Variants in ZNF451 observed in about 807,000 individuals in gnomAD.
The protein encoded by ZNF451 is E3 SUMO-protein ligase ZNF451.
A neutral mutation model predicts 107.1 loss-of-function variants in ZNF451; 80 were observed. The ratio of observed to expected loss-of-function variants is 0.75; its 90% CI spans 0.62 to 0.90. The LOEUF is 0.90. Among genes scored for constraint, ZNF451 ranks in the 40% least tolerant of loss-of-function variants. The pLI is 0.00. For missense variants in ZNF451, 1,107 were observed against 1,236.2 expected, an observed-to-expected ratio of 0.90 and a Z score of 1.57; for synonymous variants, 362 against 406.5, an observed-to-expected ratio of 0.89 and a Z score of 1.32.
chr6:57,099,038 T>C (rs1172082259), intron 2 of ZNF451, 23 bp from the exon 3 acceptor site: 11 of 1,601,822 alleles, frequency 6.9e-6, no homozygotes, highest in Non-Finnish European at 8.6e-7. Flanking sequence ...TAATGACTTC[T>C]AAATTTGCTT....
chr6:57,104,807 G>T (rs1293713409), intron 3 of ZNF451: 1 of 985,284 alleles, frequency 1.0e-6, no homozygotes, highest in African/African-American at 1.7e-5. Context: ...TACTCTAACT[G>T]ATATGCCCAA....
chr6:57,107,288 T>A (rs1829906730), intron 3 of ZNF451: 2 of 985,232 alleles, frequency 2.0e-6, no homozygotes, highest in Non-Finnish European at 2.4e-6. Flanking sequence ...ATATTTTTAT[T>A]CTATCAGTGT....
chr6:57,102,401 G>A, intron 3 of ZNF451: 3 of 1,048,932 alleles, frequency 2.9e-6, no homozygotes, highest in Non-Finnish European at 3.4e-6. Context: ...ATCCTCTTGT[G>A]ATTAAAGAAA....
At chr6:57,118,531 T>C (rs1309768744) in intron 3 of ZNF451, among the ~76,000 whole-genome samples, 1 of 152,174 alleles carries the variant, frequency 6.6e-6, no homozygotes, top group Non-Finnish European at 1.5e-5. Context: ...TCTTGCTTTG[T>C]TGTCCCCCAG....
At chr6:57,123,729 G>A (rs1013722594) in intron 3 of ZNF451, among the ~76,000 whole-genome samples, 3 of 152,008 alleles carry the variant, frequency 2.0e-5, no homozygotes, top group African/African-American at 7.2e-5. Context: ...TCTTCATAAA[G>A]ATGTACACAT....
In ZNF451 at chr6:57,154,049, T is replaced by G; in HGVS notation, c.3070+2T>G. 6.2e-7 allele frequency: 1 copy of G among 1,614,080 alleles called. No homozygotes were observed. Among genetic ancestry groups the G allele is most frequent in the East Asian group, 2.2e-5 (1 of 44,886 alleles). ...ATAGCATATCTGATACCACCAAAGG[T>G]ACGCAGCTGCAGTCACAGTGCAAAC... On this transcript the variant is annotated splice_donor_variant, in intron 13 of 14. Coordinates refer to ENST00000370706, the MANE Select transcript of ZNF451 (RefSeq NM_001031623.3). LOFTEE classifies it high-confidence loss of function.
intron 13 of ZNF451, chr6:57,154,256 G>T: frequency 5.0e-6 from 3 of 602,992 alleles, no homozygotes; most frequent in South Asian, 2.2e-5. Context: ...ATAATTTTCT[G>T]GAGCTTTTTT....
At chr6:57,159,526 T>TTG in intron 13 of ZNF451, 2 of 107,460 alleles carry the variant, frequency 1.9e-5, no homozygotes, top group Non-Finnish European at 2.9e-5. Context: ...ATTATAAGAG[T>TTG]TTTTTTTTTT....
chr6:57,158,920 C>T (rs1763549345), intron 13 of ZNF451: 1 of 985,328 alleles, frequency 1.0e-6, no homozygotes, highest in South Asian at 4.7e-5. Context: ...TTAAATCCAT[C>T]TTACATATAG....
chr6:57,096,475 C>G (rs1313115066), intron 2 of ZNF451, among the ~76,000 whole-genome samples: 1 of 151,754 alleles, frequency 6.6e-6, no homozygotes, highest in South Asian at 2.1e-4. Context: ...CATGAGCCAC[C>G]GTGCCCAGCC....
intron 3 of ZNF451, chr6:57,108,745 G>C: frequency 1.0e-6 from 1 of 985,320 alleles, no homozygotes; most frequent in Non-Finnish European, 1.2e-6. Context: ...TTCCTGCCTG[G>C]GAAGGCAGTA....
At chr6:57,099,244 C>T (rs1829470208) in intron 3 of ZNF451, 103 bp downstream of exon 3, 2 of 919,118 alleles carry the variant, frequency 2.2e-6, no homozygotes, top group Non-Finnish European at 3.4e-6. Flanking sequence ...TAGAAATAGC[C>T]AGTTCTATTA....
At chr6:57,141,163 C>A in intron 7 of ZNF451, 139 bp from the exon 8 acceptor site, 1 of 713,558 alleles carries the variant, frequency 1.4e-6, no homozygotes, top group Non-Finnish European at 2.0e-6. Context: ...AATTCACACT[C>A]AGGGAAGAAC....
chr6:57,135,004 G>A (rs752734226), intron 7 of ZNF451, 134 bp downstream of exon 7: 12 of 734,432 alleles, frequency 1.6e-5, no homozygotes, highest in Non-Finnish European at 2.3e-5. Flanking sequence ...ATTGTCAATT[G>A]AAAATAAAAT....
chr6:57,126,888 G>C (rs565394328), intron 4 of ZNF451, among the ~76,000 whole-genome samples: 1 of 152,190 alleles, frequency 6.6e-6, no homozygotes, highest in South Asian at 2.1e-4. Flanking sequence ...AGAAATGCCA[G>C]AGAACTTGAA....
chr6:57,159,515 C>T (rs1763573770), intron 13 of ZNF451: 1 of 213,616 alleles, frequency 4.7e-6, no homozygotes, highest in Non-Finnish European at 7.8e-6. Context: ...TTTCTTAAAA[C>T]ATTATAAGAG....
At position 57,167,182 on chromosome 6, in the gene ZNF451, TACACACACACACAC is replaced by T. The variant is rs397975599; in HGVS notation, c.3140-1231_3140-1218del. On this transcript the variant is annotated intron_variant, in intron 14 of 14. Transcript: ENST00000370706. ...CAGACGTTGTGATTTCGTATATATA[TACACACACACACAC>T]ACACACACATATATACATATAACCT... 4.3e-4 allele frequency among the ~76,000 whole-genome samples: 64 copies of T among 149,930 alleles called. 1 individual carries two copies. The highest frequency in any genetic ancestry group is 3.4e-3 in the Middle Eastern group (1 of 290).
chr6:57,133,347 A>G (rs577860770), intron 6 of ZNF451, among the ~76,000 whole-genome samples, 155 bp downstream of exon 6: 1 of 152,334 alleles, frequency 6.6e-6, no homozygotes, highest in African/African-American at 2.4e-5. Context: ...TAATTTTTTC[A>G]TAATTGATGA....
intron 3 of ZNF451, among the ~76,000 whole-genome samples, chr6:57,117,326 A>AC (rs1830420967): frequency 6.8e-6 from 1 of 147,332 alleles, no homozygotes; most frequent in South Asian, 2.1e-4. Flanking sequence ...ATTTTAGAGC[A>AC]TTTTTTTTTT....
Sources: allele counts gnomAD v4.1 joint callset (sites outside exome capture counted in the v4.1 genomes callset), GRCh38; gene constraint gnomAD v4.1.1; transcripts MANE v1.5; gene names NCBI Gene and HGNC (gene_info 2026-07-23, HGNC 2026-07-21).